The following FRS2 variants were observed in gnomAD, a reference collection of about 807,000 sequenced individuals.
The protein encoded by FRS2 is fibroblast growth factor receptor substrate 2.
A neutral mutation model predicts 43.9 loss-of-function variants in FRS2; 8 were observed. The ratio of observed to expected loss-of-function variants is 0.18; its 90% CI spans 0.11 to 0.33. The LOEUF is 0.33. Ranked by LOEUF, FRS2 falls within the 10% of genes least tolerant of loss-of-function variation. The pLI is 1.00. For missense variants in FRS2, 534 were observed against 627.6 expected, an observed-to-expected ratio of 0.85 and a Z score of 1.59; for synonymous variants, 219 against 220.3, an observed-to-expected ratio of 0.99 and a Z score of 0.05.
chr12:69,531,467 A>C (rs1378085332), intron 2 of FRS2, among the ~76,000 whole-genome samples: 1 of 152,198 alleles, frequency 6.6e-6, no homozygotes, highest in African/African-American at 2.4e-5. Flanking sequence ...TCATTATGCT[A>C]CTTGCATATT....
intron 7 of FRS2, 37 bp from the exon 8 acceptor site, chr12:69,572,081 G>GC (rs745641334): frequency 9.6e-6 from 15 of 1,564,158 alleles, no homozygotes; most frequent in Admixed American, 3.4e-5. Flanking sequence ...TCTCTGCCCC[G>GC]CCCCCCTTTT....
intron 1 of FRS2, among the ~76,000 whole-genome samples, chr12:69,530,456 A>G (rs1284014549): frequency 6.6e-6 from 1 of 152,114 alleles, no homozygotes; most frequent in African/African-American, 2.4e-5. Context: ...AAGTGCTTTG[A>G]GGCTGGGCAT....
intron 1 of FRS2, among the ~76,000 whole-genome samples, chr12:69,472,654 C>T (rs1186553324): frequency 6.6e-6 from 1 of 152,094 alleles, no homozygotes; most frequent in Non-Finnish European, 1.5e-5. Flanking sequence ...TCAACAAACA[C>T]TGAGCATTTG....
intron 3 of FRS2, among the ~76,000 whole-genome samples, chr12:69,561,407 A>C (rs1435858034): frequency 6.6e-6 from 1 of 152,180 alleles, no homozygotes; most frequent in African/African-American, 2.4e-5. Context: ...TCTCTAGTTA[A>C]TATGTAGATT....
intron 1 of FRS2, among the ~76,000 whole-genome samples, chr12:69,524,755 C>T (rs1007604439): frequency 1.3e-5 from 2 of 152,180 alleles, no homozygotes; most frequent in African/African-American, 2.4e-5. Context: ...CTAGACTTGG[C>T]ACAGGCTGGA....
intron 3 of FRS2, among the ~76,000 whole-genome samples, chr12:69,542,817 A>G (rs1878035491): frequency 6.6e-6 from 1 of 152,214 alleles, no homozygotes. Flanking sequence ...GAGAAATCCA[A>G]TATAAACAGT....
At chr12:69,562,460 G>A (rs1445572815) in intron 4 of FRS2, among the ~76,000 whole-genome samples, 186 bp downstream of exon 4, 1 of 152,050 alleles carries the variant, frequency 6.6e-6, no homozygotes, top group Non-Finnish European at 1.5e-5. Context: ...ACCACTCCTG[G>A]CCTATAATTT....
At chr12:69,471,164 G>A (rs1158755903) in intron 1 of FRS2, among the ~76,000 whole-genome samples, 1 of 152,056 alleles carries the variant, frequency 6.6e-6, no homozygotes, top group African/African-American at 2.4e-5. Flanking sequence ...TCACTTGAAA[G>A]CTTGCTGAAG....
chr12:69,570,472 A>G lies in FRS2; in HGVS notation c.208A>G (p.Asn70Asp). The part of the protein sequence containing the change: ...LCLRRYGYDS[N>D]LFSFESGRRC... ...CCTGCGACGCTATGGCTATGACTCG[A>G]ATCTCTTTTCTTTTGAAAGTGGTCG... is the stretch of plus-strand genomic sequence containing the variant. Residue 70 changes from asparagine (N) to aspartate (D), a missense_variant, in exon 6 of 9, where the codon AAT becomes GAT. Transcript: ENST00000549921. 6.2e-7 allele frequency: 1 copy of G among 1,613,530 alleles called. No individual in the cohort carries two copies.
chr12:69,518,050 A>G (rs1422535173), intron 1 of FRS2, among the ~76,000 whole-genome samples: 1 of 152,118 alleles, frequency 6.6e-6, no homozygotes, highest in Admixed American at 6.5e-5. Flanking sequence ...AGGACCACTG[A>G]ATTCATTTGG....
At chr12:69,565,613 TCTGTTAAAAACTA>T (rs1052739029) in intron 4 of FRS2, among the ~76,000 whole-genome samples, 3 of 152,188 alleles carry the variant, frequency 2.0e-5, no homozygotes, top group Non-Finnish European at 4.4e-5. Flanking sequence ...CTTTAAAACT[TCTGTTAAAAACTA>T]AGACAAAGAC....
intron 1 of FRS2, among the ~76,000 whole-genome samples, chr12:69,483,615 C>A (rs1725740026): frequency 6.6e-6 from 1 of 151,878 alleles, no homozygotes; most frequent in Non-Finnish European, 1.5e-5. Context: ...CTACTTTTTA[C>A]AAACTTTATA....
chr12:69,541,886 A>T (rs1729071800), intron 3 of FRS2, among the ~76,000 whole-genome samples: 1 of 151,472 alleles, frequency 6.6e-6, no homozygotes, highest in Admixed American at 6.6e-5. Context: ...AGTAGTTTTG[A>T]TATAAATCTA....
At chr12:69,533,354 G>GTT (rs113350661) in intron 3 of FRS2, among the ~76,000 whole-genome samples, 140 of 147,762 alleles carry the variant, frequency 9.5e-4, no homozygotes, top group African/African-American at 1.8e-3. Context: ...AGTTGTCTAG[G>GTT]TTTTTTTTTT....
At chr12:69,551,376 A>G (rs907898984) in intron 3 of FRS2, among the ~76,000 whole-genome samples, 5 of 73,454 alleles carry the variant, frequency 6.8e-5, no homozygotes, top group Non-Finnish European at 1.4e-4. Context: ...AAACAAACCC[A>G]ACTACCAGTA....
rs141582454 is a variant in FRS2, at chr12:69,515,578, C to G, written c.-260-15287C>G. Among the ~76,000 whole-genome samples the G allele has an allele frequency of 9.1e-3, 1,384 of 152,154 alleles. 8 individuals are homozygous for G. Among genetic ancestry groups the G allele is most frequent in the Non-Finnish European group, 0.015 (1,038 of 67,986 alleles). ...CATCCCTCGCGCTCTCTTGCTGTCTCTCTCTCTCACACACATACACATACT... is the reference window on the plus strand; with the variant it reads ...CATCCCTCGCGCTCTCTTGCTGTCTGTCTCTCTCACACACATACACATACT... On this transcript the variant is annotated intron_variant, in intron 1 of 8. Coordinates refer to ENST00000549921, the MANE Select transcript of FRS2 (RefSeq NM_001278356.2).
intron 3 of FRS2, among the ~76,000 whole-genome samples, chr12:69,539,077 T>G (rs1877621670): frequency 6.6e-6 from 1 of 152,146 alleles, no homozygotes; most frequent in Non-Finnish European, 1.5e-5. Context: ...TCAAGGTTTT[T>G]GTTTTGTTTT....
At chr12:69,566,931 C>T (rs933482599) in intron 4 of FRS2, among the ~76,000 whole-genome samples, 6 of 152,180 alleles carry the variant, frequency 3.9e-5, no homozygotes, top group Non-Finnish European at 5.9e-5. Context: ...TCATACTGAA[C>T]GCCTCACTTT....
At chr12:69,557,619 T>TGTGTGTGCGCGCGC (rs1555192498) in intron 3 of FRS2, among the ~76,000 whole-genome samples, 18 of 118,964 alleles carry the variant, frequency 1.5e-4, no homozygotes, top group East Asian at 5.0e-4. Context: ...TGTGTGTGTG[T>TGTGTGTGCGCGCGC]GCGCGCGCGC....
Sources: gnomAD v4.1 joint callset for allele counts (sites outside exome capture counted in the v4.1 genomes callset) on GRCh38, gnomAD v4.1.1 for gene constraint, MANE v1.5 for transcripts, NCBI Gene and HGNC (gene_info 2026-07-23, HGNC 2026-07-21) for gene names.